Variants in PCIF1 observed in about 807,000 individuals in gnomAD.
PCIF1 encodes mRNA (2'-O-methyladenosine-N(6)-)-methyltransferase.
PCIF1 carries 12 observed loss-of-function variants against 86.9 expected under a neutral mutation model. That is an observed-to-expected ratio of 0.14 (90% CI 0.09 to 0.22). PCIF1 has a LOEUF of 0.22. Ranked by LOEUF, PCIF1 falls within the 10% of genes least tolerant of loss-of-function variation. The pLI is 1.00. For missense variants in PCIF1, 701 were observed against 951.1 expected (o/e 0.74, Z 3.46); for synonymous variants, 397 against 372.0 (o/e 1.07, Z -0.77).
chr20:45,943,080 G>C lies in PCIF1; in HGVS notation c.674-17G>C. The C allele has an allele frequency of 6.2e-7, 1 of 1,611,012 alleles. No homozygotes were observed. Among genetic ancestry groups the C allele is most frequent in the East Asian group, 2.2e-5 (1 of 44,824 alleles). On this transcript the variant is annotated splice_polypyrimidine_tract_variant and intron_variant, in intron 7 of 16. Coordinates refer to ENST00000372409, the MANE Select transcript of PCIF1 (RefSeq NM_022104.4). The surrounding 1 kb of genome is among the most constrained non-coding windows in gnomAD (Gnocchi z 5.5). ...CTTGATTAAATCCAGGCCTTCAGCAGCTCTCCTGTCCTGCAGGCATTGAGC... is the reference window on the plus strand; with the variant it reads ...CTTGATTAAATCCAGGCCTTCAGCACCTCTCCTGTCCTGCAGGCATTGAGC...
chr20:45,942,068 C>T (rs1264146274), intron 7 of PCIF1, among the ~76,000 whole-genome samples: 5 of 150,964 alleles, frequency 3.3e-5, no homozygotes, highest in South Asian at 2.1e-4. Context: ...CTCCACCTCC[C>T]GGGTTCAAGC....
At chr20:45,937,999 CTTG>C (rs1409293235) in intron 2 of PCIF1, 7 of 156,080 alleles carry the variant, frequency 4.5e-5, no homozygotes, top group Admixed American at 2.6e-4. Flanking sequence ...CCTTTGTGGT[CTTG>C]TTGTGGGCAA....
At chr20:45,935,136 C>T (rs966222071) in intron 1 of PCIF1, among the ~76,000 whole-genome samples, 3 of 150,224 alleles carry the variant, frequency 2.0e-5, no homozygotes, top group African/African-American at 4.9e-5. Flanking sequence ...AGAGATGGGC[C>T]GGCGCGCGCG....
chr20:45,941,038 T>G lies in PCIF1; in HGVS notation c.519-15T>G. On this transcript the variant is annotated splice_polypyrimidine_tract_variant and intron_variant, in intron 6 of 16. Transcript: ENST00000372409. Reference sequence around the variant, plus strand: ...GTGGGCAGGACATCCTCATCACTCCTCTCTGTGCCCCAAGGGTCTACTGGG... The same window carrying G: ...GTGGGCAGGACATCCTCATCACTCCGCTCTGTGCCCCAAGGGTCTACTGGG... 2 of 1,614,172 alleles carry G rather than the reference T, an allele frequency of 1.2e-6. No homozygotes were observed. Among genetic ancestry groups the G allele is most frequent in the Non-Finnish European group, 1.7e-6 (2 of 1,180,022 alleles).
intron 11 of PCIF1, 57 bp from the exon 12 acceptor site, chr20:45,945,654 A>G (rs2083517440): frequency 1.9e-6 from 3 of 1,580,032 alleles, no homozygotes; most frequent in African/African-American, 1.3e-5. Context: ...TGTGGCCCAC[A>G]GTGGCTGCAG....
chr20:45,947,653 C>T lies in PCIF1; in HGVS notation c.2013C>T (p.Gly671=). ...QELSAAYRQS[G]RSHSSGSSSS... ...TGAGTGCTGCCTACCGGCAGTCAGG[C>T]CGCAGCCACAGCTCTGGTTCTTCCT... Residue 671 remains glycine, a synonymous_variant, in exon 17 of 17, where the codon GGC becomes GGT. Coordinates refer to ENST00000372409, the MANE Select transcript of PCIF1 (RefSeq NM_022104.4). This position sits in a 1 kb window ranked among gnomAD's most constrained non-coding sequence, Gnocchi z 5.4. The T allele has an allele frequency of 6.2e-7, 1 of 1,612,488 alleles. No individual in the cohort carries two copies. The highest frequency in any genetic ancestry group is 8.5e-7 in the Non-Finnish European group (1 of 1,179,888).
rs187143047 is a variant in PCIF1, at chr20:45,939,164, G to A, written c.124+41G>A. On this transcript the variant is annotated intron_variant, in intron 3 of 16. Coordinates refer to ENST00000372409, the MANE Select transcript of PCIF1 (RefSeq NM_022104.4). ...AGTAGTGGGGTGGTGGGGTAGGAAG[G>A]GCACCCTGGGAGCAGTCCTGACCCT... 6.1e-4 allele frequency: 990 copies of A among 1,614,024 alleles called. 6 individuals are homozygous for A. The African/African-American group carries it at 0.012, about 20-fold the overall frequency.
intron 11 of PCIF1, 84 bp from the exon 12 acceptor site, chr20:45,945,625 CCT>C (rs1338784536): frequency 3.4e-6 from 5 of 1,486,968 alleles, no homozygotes; most frequent in East Asian, 2.3e-5. Context: ...ATGGGACTTC[CCT>C]CTCTCGGTAC....
rs534433255 is a variant in PCIF1 at position 45,939,132 on chromosome 20, G to A, written c.124+9G>A. ...GGTTCAGGACCTCCCAGGTACTGAG[G>A]GGGAGCAGTAGTGGGGTGGTGGGGT... On this transcript the variant is annotated intron_variant, in intron 3 of 16. Transcript: ENST00000372409. The A allele has an allele frequency of 5.0e-5, 80 of 1,614,106 alleles. No homozygotes were observed. In the East Asian group the frequency reaches 1.5e-3, roughly 31 times the overall value.
At chr20:45,941,517 C>T (rs923323830) in intron 7 of PCIF1, among the ~76,000 whole-genome samples, 1 of 151,998 alleles carries the variant, frequency 6.6e-6, no homozygotes, top group Non-Finnish European at 1.5e-5. Context: ...GCAGTGGCAC[C>T]ATCTCCGCTC....
At chr20:45,935,207 C>G (rs1019028554) in intron 1 of PCIF1, among the ~76,000 whole-genome samples, 1 of 151,316 alleles carries the variant, frequency 6.6e-6, no homozygotes, top group Admixed American at 6.6e-5. Context: ...CGCGCGCGCG[C>G]GCGCTGGAGC....
rs780815783 is a variant in PCIF1 at position 45,942,766 on chromosome 20, C to CTTTTT, written c.674-308_674-304dup. On this transcript the variant is annotated intron_variant, in intron 7 of 16. Transcript: ENST00000372409. ...AGGAGCTGGGACACCCAGCTAATTT[C>CTTTTT]TTTTTTTTTTTTTTTTTTTTTTTTT... Among the ~76,000 whole-genome samples the CTTTTT allele has an allele frequency of 6.3e-4, 45 of 71,768 alleles. 2 individuals carry two copies. Among genetic ancestry groups the CTTTTT allele is most frequent in the South Asian group, 1.7e-3 (3 of 1,738 alleles). 47.1% of individuals were successfully genotyped at this position (71,768 alleles called of 152,430 possible).
At chr20:45,939,192 C>T in intron 3 of PCIF1, 23 bp from the exon 4 acceptor site, 2 of 1,614,006 alleles carry the variant, frequency 1.2e-6, no homozygotes, top group African/African-American at 1.3e-5. Flanking sequence ...CTGACCCTGG[C>T]TGGGCTCCGT....
intron 1 of PCIF1, among the ~76,000 whole-genome samples, chr20:45,935,822 ATT>A (rs547747854): frequency 5.7e-5 from 8 of 140,032 alleles, no homozygotes; most frequent in Admixed American, 7.1e-5. Flanking sequence ...CAGGAGTCTG[ATT>A]TTTTTTTTTT....
rs2083446565 is a variant in PCIF1, at chr20:45,938,861, C to T, written c.-19-120C>T. The T allele has an allele frequency of 3.7e-6, 5 of 1,367,998 alleles. No individual in the cohort carries two copies. The East Asian group carries it at 9.2e-5, about 25-fold the overall frequency. 84.7% of individuals were successfully genotyped at this position (1,367,998 alleles called of 1,614,324 possible). On this transcript the variant is annotated intron_variant, in intron 2 of 16. Coordinates refer to ENST00000372409, the MANE Select transcript of PCIF1 (RefSeq NM_022104.4). ...GCTGCTGTGTGGCACCATGCTGGCCCTCCAGGATAGGACCTGATTGGATTT... is the reference window on the plus strand; with the variant it reads ...GCTGCTGTGTGGCACCATGCTGGCCTTCCAGGATAGGACCTGATTGGATTT...
Position 45,943,620 on chromosome 20 carries a change from G to A in PCIF1, c.906-46G>A. Reference sequence around the variant, plus strand: ...AGCCCATGGAATTGGGATGAGGAGGGTGGAGCCAAGCCATTCCTTTCTTCT... The same window carrying A: ...AGCCCATGGAATTGGGATGAGGAGGATGGAGCCAAGCCATTCCTTTCTTCT... On this transcript the variant is annotated intron_variant, in intron 9 of 16. Transcript: ENST00000372409. The surrounding 1 kb of genome is among the most constrained non-coding windows in gnomAD (Gnocchi z 5.5). 1.3e-6 allele frequency: 2 copies of A among 1,520,856 alleles called. No homozygotes were observed. The highest frequency in any genetic ancestry group is 2.0e-5 in the Admixed American group (1 of 50,882). 94.2% of individuals were successfully genotyped at this position (1,520,856 alleles called of 1,614,324 possible).
At position 45,943,048 on chromosome 20, in the gene PCIF1, G is replaced by A; in HGVS notation, c.674-49G>A. ...TTCCTATACGTGCCAAGCTCCAAGT[G>A]GGACTGCTTGATTAAATCCAGGCCT... is the stretch of plus-strand genomic sequence containing the variant. On this transcript the variant is annotated intron_variant, in intron 7 of 16. Transcript: ENST00000372409. The surrounding 1 kb of genome is among the most constrained non-coding windows in gnomAD (Gnocchi z 5.5). The A allele has an allele frequency of 6.3e-7, 1 of 1,582,776 alleles. No homozygotes were observed. Among genetic ancestry groups the A allele is most frequent in the Non-Finnish European group, 8.6e-7 (1 of 1,156,896 alleles).
chr20:45,936,394 TTAGC>T (rs2083426561), intron 1 of PCIF1, among the ~76,000 whole-genome samples: 1 of 148,920 alleles, frequency 6.7e-6, no homozygotes, highest in Non-Finnish European at 1.5e-5. Context: ...TTTCACTGTG[TTAGC>T]TAGGATGGTC....
Position 45,940,526 on chromosome 20 carries a change from G to A in PCIF1, c.301G>A (p.Val101Met), listed in dbSNP as rs1223523341. The change falls in exon 5 of 17, where the codon GTG becomes ATG. Residue 101 changes from valine (V) to methionine (M), a missense_variant. Physicochemically the swap from Val to Met is conservative, Grantham distance 21 (BLOSUM62 1). This residue lies in a region of PCIF1 where 125 missense variants were observed against 126.8 expected (regional missense o/e 0.99). Coordinates refer to ENST00000372409, the MANE Select transcript of PCIF1 (RefSeq NM_022104.4). ...CCCACTGCCCCAAGACTCAAGCTTGGTGGAAACTCCCCCGGCTGAGAACAA... is the reference window on the plus strand; with the variant it reads ...CCCACTGCCCCAAGACTCAAGCTTGATGGAAACTCCCCCGGCTGAGAACAA... ...ATPLPQDSSL[V>M]ETPPAENKPR... is the part of the protein sequence containing the mutation. The A allele has an allele frequency of 6.2e-7, 1 of 1,608,520 alleles. No homozygotes were observed. Among genetic ancestry groups the A allele is most frequent in the Non-Finnish European group, 8.5e-7 (1 of 1,177,368 alleles).
Sources: gnomAD v4.1 joint callset for allele counts (sites outside exome capture counted in the v4.1 genomes callset) on GRCh38, gnomAD v4.1.1 for gene constraint, gnomAD v4.1.1 regional missense constraint, Gnocchi (gnomAD v3.1) non-coding constraint, MANE v1.5 for transcripts, NCBI Gene and HGNC (gene_info 2026-07-23, HGNC 2026-07-21) for gene names.